Variants in RP1 observed in about 807,000 individuals in gnomAD.
The protein encoded by RP1 is RP1 axonemal microtubule associated.
In RP1, 16 loss-of-function variants were observed where a neutral mutation model predicts 14.8. The ratio of observed to expected loss-of-function variants is 1.08; its 90% CI spans 0.73 to 1.65. The LOEUF is 1.65. Among genes scored for constraint, RP1 ranks in the 40% most tolerant of loss-of-function variants. The pLI, the probability that RP1 is intolerant of heterozygous loss-of-function variation, is 0.00. For synonymous variants in RP1, 876 were observed against 883.6 expected, an observed-to-expected ratio of 0.99 and a Z score of 0.15; for missense variants, 2,631 against 2,535.0, an observed-to-expected ratio of 1.04 and a Z score of -0.81.
intron 12 of RP1, among the ~76,000 whole-genome samples, chr8:54,680,886 G>A (rs1385281228): frequency 1.3e-5 from 2 of 151,850 alleles, no homozygotes; most frequent in African/African-American, 4.8e-5. Context: ...TGAACCCGGA[G>A]GGTGGAGCTT....
At chr8:54,725,475 A>G (rs1380280712) in intron 16 of RP1, among the ~76,000 whole-genome samples, 2 of 152,186 alleles carry the variant, frequency 1.3e-5, no homozygotes, top group Non-Finnish European at 1.5e-5. Context: ...TTCTTCAGCC[A>G]CCAGTATTGT....
chr8:54,576,570 T>C (rs914830476), intron 1 of RP1, among the ~76,000 whole-genome samples: 1 of 152,224 alleles, frequency 6.6e-6, no homozygotes, highest in Non-Finnish European at 1.5e-5. Context: ...GATGATGCCA[T>C]TGGGATTACA....
intron 25 of RP1, among the ~76,000 whole-genome samples, chr8:54,844,046 C>G (rs1811856172): frequency 6.6e-6 from 1 of 152,166 alleles, no homozygotes; most frequent in Admixed American, 6.5e-5. Flanking sequence ...AGCTCATGGC[C>G]TTTTAGCCTT....
chr8:54,568,574 A>ATAAG (rs1461688230), intron 1 of RP1, among the ~76,000 whole-genome samples: 1 of 152,232 alleles, frequency 6.6e-6, no homozygotes, highest in Admixed American at 6.5e-5. Flanking sequence ...GAATGCTGAC[A>ATAAG]TAAGTACTTC....
At chr8:54,831,645 T>G (rs1811532301) in intron 24 of RP1, among the ~76,000 whole-genome samples, 1 of 151,834 alleles carries the variant, frequency 6.6e-6, no homozygotes, top group Non-Finnish European at 1.5e-5. Context: ...CCTCATTATA[T>G]TTGCTTTAAA....
At chr8:54,708,889 G>A (rs1808227512) in intron 15 of RP1, among the ~76,000 whole-genome samples, 1 of 152,190 alleles carries the variant, frequency 6.6e-6, no homozygotes, top group Non-Finnish European at 1.5e-5. Flanking sequence ...ACTGGAAGAA[G>A]TCCTTGGCAT....
intron 24 of RP1, among the ~76,000 whole-genome samples, chr8:54,813,428 T>C (rs1811061525): frequency 6.6e-6 from 1 of 152,132 alleles, no homozygotes; most frequent in African/African-American, 2.4e-5. Flanking sequence ...CAAATAGAAA[T>C]CCATGCCATG....
At chr8:54,823,162 G>C (rs10105032) in intron 24 of RP1, among the ~76,000 whole-genome samples, 1 of 151,710 alleles carries the variant, frequency 6.6e-6, no homozygotes, top group Non-Finnish European at 1.5e-5. Flanking sequence ...TCCTGAGAAA[G>C]CCCTCCCCGG....
downstream of RP1, among the ~76,000 whole-genome samples, chr8:54,774,170 A>C (rs1278651643): frequency 6.6e-6 from 1 of 152,152 alleles, no homozygotes; most frequent in Non-Finnish European, 1.5e-5. Context: ...TGGTGTGGAT[A>C]ATGACAAGGT....
chr8:54,582,154 T>G (rs1379743287), intron 1 of RP1, among the ~76,000 whole-genome samples: 1 of 152,222 alleles, frequency 6.6e-6, no homozygotes, highest in Admixed American at 6.5e-5. Context: ...TTTACGTCTT[T>G]AATCCATCTT....
chr8:54,723,392 A>G lies in RP1; in HGVS notation c.2390-2953A>G, dbSNP rs74443756. Among the ~76,000 whole-genome samples, 56 of 152,106 alleles carry G rather than the reference A, an allele frequency of 3.7e-4. No homozygotes were observed. In the East Asian group the frequency reaches 9.3e-3, roughly 25 times the overall value. ...ACTTTGCATATTTCCTTTCTCTGTG[A>G]TTGATTTTTTTCATCTACAGTTTGG... is the stretch of plus-strand genomic sequence containing the variant. On this transcript the variant is annotated intron_variant, in intron 16 of 22. Transcript: ENST00000636932.
chr8:54,624,221 C>A (rs1332473664), intron 3 of RP1, among the ~76,000 whole-genome samples: 1 of 152,016 alleles, frequency 6.6e-6, no homozygotes, highest in African/African-American at 2.4e-5. Flanking sequence ...GCGGGCGGAT[C>A]ATGAGGTCAG....
At chr8:54,830,875 T>A (rs1811503139) in intron 24 of RP1, among the ~76,000 whole-genome samples, 1 of 152,092 alleles carries the variant, frequency 6.6e-6, no homozygotes, top group Non-Finnish European at 1.5e-5. Flanking sequence ...CTCCCCTCCC[T>A]TTCAGAGCTG....
At chr8:54,563,664 G>A (rs7820582) in intron 1 of RP1, among the ~76,000 whole-genome samples, 76,561 of 151,640 alleles carry the variant, frequency 0.5, 19,441 homozygotes, top group East Asian at 0.61. Flanking sequence ...TCCTCCCTCA[G>A]CCTCCTGAGT....
chr8:54,576,479 T>C (rs1250712134), intron 1 of RP1, among the ~76,000 whole-genome samples: 1 of 152,216 alleles, frequency 6.6e-6, no homozygotes, highest in Non-Finnish European at 1.5e-5. Context: ...CTAATTTATA[T>C]CGAGCCTCTT....
chr8:54,582,624 C>G (rs1281235256), intron 1 of RP1, among the ~76,000 whole-genome samples: 1 of 152,136 alleles, frequency 6.6e-6, no homozygotes, highest in African/African-American at 2.4e-5. Flanking sequence ...ATTGATTCTT[C>G]CTACCCATGA....
At chr8:54,786,019 A>G (rs1810309181) in intron 24 of RP1, among the ~76,000 whole-genome samples, 1 of 152,128 alleles carries the variant, frequency 6.6e-6, no homozygotes, top group Non-Finnish European at 1.5e-5. Context: ...TTATTCAACA[A>G]TGAACAGCCC....
intron 24 of RP1, among the ~76,000 whole-genome samples, chr8:54,787,503 G>A (rs748594982): frequency 1.8e-4 from 27 of 152,106 alleles, no homozygotes; most frequent in Non-Finnish European, 3.8e-4. Context: ...CACTCTGAGG[G>A]AATCATAAAG....
chr8:54,789,373 C>T (rs903351212), intron 24 of RP1, among the ~76,000 whole-genome samples: 1 of 152,188 alleles, frequency 6.6e-6, no homozygotes, highest in African/African-American at 2.4e-5. Flanking sequence ...AGCAATGAGC[C>T]AAGCCAATGA....
Sources: allele counts gnomAD v4.1 joint callset (sites outside exome capture counted in the v4.1 genomes callset), GRCh38; gene constraint gnomAD v4.1.1; transcripts MANE v1.5; gene names NCBI Gene and HGNC (gene_info 2026-07-23, HGNC 2026-07-21).